The following TAS2R1 variants were observed in gnomAD, a reference collection of about 807,000 sequenced individuals.
TAS2R1 encodes taste 2 receptor member 1, also known as taste receptor type 2 member 1.
For synonymous variants in TAS2R1, 141 were observed against 134.2 expected, an observed-to-expected ratio of 1.05 and a Z score of -0.35; for missense variants, 370 against 353.4, an observed-to-expected ratio of 1.05 and a Z score of -0.38.
At chr5:9,665,472 C>G (rs1387359380) in intron 1 of TAS2R1, among the ~76,000 whole-genome samples, 2 of 152,232 alleles carry the variant, frequency 1.3e-5, no homozygotes, top group African/African-American at 4.8e-5. Context: ...ATTCTGCTTA[C>G]CATAGTCACT....
At chr5:9,679,230 CA>C (rs1455989371) in intron 1 of TAS2R1, among the ~76,000 whole-genome samples, 1 of 152,164 alleles carries the variant, frequency 6.6e-6, no homozygotes, top group Non-Finnish European at 1.5e-5. Context: ...GGGCGAAGCA[CA>C]GGGGATTTTT....
At chr5:9,694,052 G>C (rs1196211093) in intron 1 of TAS2R1, among the ~76,000 whole-genome samples, 1 of 152,130 alleles carries the variant, frequency 6.6e-6, no homozygotes, top group East Asian at 1.9e-4. Context: ...TTTTAACAAA[G>C]CTATTACTGG....
intron 1 of TAS2R1, among the ~76,000 whole-genome samples, chr5:9,672,461 A>G (rs1004696813): frequency 4.6e-5 from 7 of 152,218 alleles, no homozygotes. Flanking sequence ...ACCCCATCAA[A>G]AAGTGGGCAA....
Position 9,629,142 on chromosome 5 carries a change from G to A in TAS2R1, c.891C>T (p.Cys297=), listed in dbSNP as rs752171722. Residue 297 remains cysteine (C), a synonymous_variant, in exon 1 of 1, where the codon TGC becomes TGT. Transcript: ENST00000382492. Reference sequence around the variant, plus strand: ...TGATCCAACTTCTCTCTCACTGACAGCACTTACTGTGGAGGAGGAACTTTT... The same window carrying A: ...TGATCCAACTTCTCTCTCACTGACAACACTTACTGTGGAGGAGGAACTTTT... ...NAKKFLLHSK[C]CQ is the part of the protein sequence containing the mutation. 1.1e-4 allele frequency: 164 copies of A among 1,556,962 alleles called. No individual in the cohort carries two copies. The highest frequency in any genetic ancestry group is 1.8e-4 in the Middle Eastern group (1 of 5,714).
At chr5:9,659,693 G>A (rs1740491930) in intron 1 of TAS2R1, 3 of 152,136 alleles carry the variant, frequency 2.0e-5, no homozygotes, top group Non-Finnish European at 4.4e-5. Context: ...CCTAATAGAA[G>A]ATTATCACTT....
chr5:9,778,118 G>A, the TAS2R1 span, among the ~76,000 whole-genome samples: 1 of 151,734 alleles, frequency 6.6e-6, no homozygotes, highest in Non-Finnish European at 1.5e-5. Flanking sequence ...CTGACCTCAT[G>A]ATCCACCTGC....
the TAS2R1 span, among the ~76,000 whole-genome samples, chr5:9,789,572 T>A: frequency 6.6e-6 from 1 of 152,068 alleles, no homozygotes. Context: ...TGAGAAAAAA[T>A]GTGTGAATTA....
At chr5:9,768,304 C>G in the TAS2R1 span, among the ~76,000 whole-genome samples, 151 of 152,292 alleles carry the variant, frequency 9.9e-4, no homozygotes, top group African/African-American at 3.5e-3. Context: ...CACATTTGCT[C>G]TGTTTCATTG....
At chr5:9,819,631 A>G in the TAS2R1 span, among the ~76,000 whole-genome samples, 1 of 152,186 alleles carries the variant, frequency 6.6e-6, no homozygotes, top group Non-Finnish European at 1.5e-5. Context: ...GGATAACTGT[A>G]TCTGCTGCAT....
chr5:9,841,148 T>C, the TAS2R1 span, among the ~76,000 whole-genome samples: 26 of 152,230 alleles, frequency 1.7e-4, no homozygotes, highest in Admixed American at 3.3e-4. Flanking sequence ...AGAGCATGTG[T>C]CCTATTTTTC....
the TAS2R1 span, among the ~76,000 whole-genome samples, chr5:9,797,023 T>A: frequency 6.6e-6 from 1 of 152,202 alleles, no homozygotes; most frequent in Non-Finnish European, 1.5e-5. Flanking sequence ...GAGCCACATG[T>A]TCTGCCCTTC....
At chr5:9,711,379 C>T (rs1398804393) in intron 1 of TAS2R1, among the ~76,000 whole-genome samples, 1 of 152,114 alleles carries the variant, frequency 6.6e-6, no homozygotes, top group Non-Finnish European at 1.5e-5. Context: ...AGATGAACTT[C>T]GAGGACATTT....
chr5:9,840,290 A>C, the TAS2R1 span, among the ~76,000 whole-genome samples: 2 of 152,228 alleles, frequency 1.3e-5, no homozygotes, highest in East Asian at 3.8e-4. Context: ...TGGGATTCAC[A>C]TTAACTCATC....
chr5:9,848,297 T>C, the TAS2R1 span, among the ~76,000 whole-genome samples: 2 of 152,246 alleles, frequency 1.3e-5, no homozygotes, highest in African/African-American at 4.8e-5. Context: ...TCACAGGATA[T>C]TGGAAGAGAA....
At chr5:9,816,571 C>A in the TAS2R1 span, among the ~76,000 whole-genome samples, 1 of 151,732 alleles carries the variant, frequency 6.6e-6, no homozygotes. Context: ...TAGTGCCATA[C>A]TACCATTCAT....
chr5:9,853,204 G>A, the TAS2R1 span, among the ~76,000 whole-genome samples: 1 of 152,156 alleles, frequency 6.6e-6, no homozygotes, highest in Non-Finnish European at 1.5e-5. Flanking sequence ...CTTTTCCCAG[G>A]AAAGAATTCA....
chr5:9,683,812 C>T (rs962886071), intron 1 of TAS2R1, among the ~76,000 whole-genome samples: 1 of 152,214 alleles, frequency 6.6e-6, no homozygotes, highest in African/African-American at 2.4e-5. Context: ...CAACCCAAAA[C>T]ATAGCTGTGT....
In TAS2R1 at chr5:9,643,299, GC is replaced by G. The variant is rs374113986; in HGVS notation, c.-80-13308del. Among the ~76,000 whole-genome samples, 48 of 152,232 alleles carry G rather than the reference GC, an allele frequency of 3.2e-4. 2 individuals are homozygous for G. Among genetic ancestry groups the G allele is most frequent in the African/African-American group, 1.0e-3 (42 of 41,538 alleles). On this transcript the variant is annotated intron_variant, in intron 2 of 2. Transcript: ENST00000506620. Reference sequence around the variant, plus strand: ...GTATAGTCCATTATTTTGCTCCTAGGCTACAAATCTGTACAACATGTTACTG... The same window carrying G: ...GTATAGTCCATTATTTTGCTCCTAGGTACAAATCTGTACAACATGTTACTG...
chr5:9,668,688 A>C (rs1740689341), intron 1 of TAS2R1, among the ~76,000 whole-genome samples: 1 of 152,144 alleles, frequency 6.6e-6, no homozygotes, highest in African/African-American at 2.4e-5. Context: ...GAGAAATAAG[A>C]TCCTTTTCAG....
Sources: gnomAD v4.1 joint callset for allele counts (sites outside exome capture counted in the v4.1 genomes callset) on GRCh38, gnomAD v4.1.1 for gene constraint, MANE v1.5 for transcripts, NCBI Gene and HGNC (gene_info 2026-07-23, HGNC 2026-07-21) for gene names.